SEMA4D: variants seen among roughly 807,000 people sequenced by gnomAD.
The protein encoded by SEMA4D is semaphorin-4D.
Under a neutral mutation model 74.8 loss-of-function variants are expected in SEMA4D, and 22 were observed. That is an observed-to-expected ratio of 0.29 (90% confidence interval 0.21 to 0.42). The LOEUF (loss-of-function observed/expected upper bound fraction) is 0.42. Among genes scored for constraint, SEMA4D ranks in the 10% least tolerant of loss-of-function variants. SEMA4D has a pLI of 1.00. For missense variants in SEMA4D, 937 were observed against 1,118.4 expected (o/e 0.84, Z 2.31); for synonymous variants, 445 against 463.7 (o/e 0.96, Z 0.52).
intron 9 of SEMA4D, among the ~76,000 whole-genome samples, chr9:89,390,758 G>T (rs1839695033): frequency 6.6e-6 from 1 of 152,174 alleles, no homozygotes; most frequent in South Asian, 2.1e-4. Context: ...GCAACCTTGA[G>T]ATTTCCTGTA....
chr9:89,393,899 C>G (rs563584377), intron 6 of SEMA4D, among the ~76,000 whole-genome samples: 1 of 152,372 alleles, frequency 6.6e-6, no homozygotes, highest in South Asian at 2.1e-4. Context: ...CTCAAGATCT[C>G]AGACCCTCAA....
At chr9:89,429,039 G>A (rs1209182989) in intron 2 of SEMA4D, among the ~76,000 whole-genome samples, 2 of 152,178 alleles carry the variant, frequency 1.3e-5, no homozygotes, top group Non-Finnish European at 2.9e-5. Flanking sequence ...CCTGGCCTTG[G>A]GTCACAGGCC....
chr9:89,370,434 G>C (rs766116270), intron 16 of SEMA4D, among the ~76,000 whole-genome samples: 1 of 150,804 alleles, frequency 6.6e-6, no homozygotes, highest in Non-Finnish European at 1.5e-5. Context: ...TGTGTGGCTG[G>C]TGTGTGGTGT....
At chr9:89,433,686 G>A (rs1849768771) in intron 2 of SEMA4D, among the ~76,000 whole-genome samples, 1 of 152,232 alleles carries the variant, frequency 6.6e-6, no homozygotes, top group Admixed American at 6.5e-5. Context: ...AGTACAGGGT[G>A]GATACCACCC....
intron 1 of SEMA4D, among the ~76,000 whole-genome samples, chr9:89,456,197 C>T (rs1161471413): frequency 2.0e-5 from 3 of 152,192 alleles, no homozygotes; most frequent in African/African-American, 7.2e-5. Flanking sequence ...ATCATCTGCA[C>T]CTTCCTTCAC....
intron 6 of SEMA4D, among the ~76,000 whole-genome samples, chr9:89,396,222 A>G (rs952963212): frequency 1.3e-5 from 2 of 152,170 alleles, no homozygotes; most frequent in South Asian, 4.1e-4. Context: ...AGCCGACCAG[A>G]AGGGTGGGTC....
At chr9:89,471,315 A>G (rs1235629138) in intron 1 of SEMA4D, among the ~76,000 whole-genome samples, 1 of 152,202 alleles carries the variant, frequency 6.6e-6, no homozygotes, top group East Asian at 1.9e-4. Flanking sequence ...GGATGTACTT[A>G]ATGCCACTAA....
At chr9:89,379,718 A>G in intron 15 of SEMA4D, 89 bp from the exon 16 acceptor site, 1 of 1,411,942 alleles carries the variant, frequency 7.1e-7, no homozygotes, top group Non-Finnish European at 9.6e-7. Flanking sequence ...ATGACGCAAG[A>G]GTTTCACCCA....
chr9:89,422,554 C>T (rs1847198294), intron 2 of SEMA4D, among the ~76,000 whole-genome samples: 1 of 152,270 alleles, frequency 6.6e-6, no homozygotes. Flanking sequence ...CTGTGTGTCC[C>T]TGCCCCGAGC....
intron 1 of SEMA4D, among the ~76,000 whole-genome samples, chr9:89,479,241 C>A (rs1481896238): frequency 6.6e-6 from 1 of 152,200 alleles, no homozygotes; most frequent in Non-Finnish European, 1.5e-5. Flanking sequence ...CCACATTCCA[C>A]CAATCAAGGC....
Position 89,388,917 on chromosome 9 carries a change from G to A in SEMA4D, c.905C>T (p.Pro302Leu), listed in dbSNP as rs201242261. The A allele has an allele frequency of 5.3e-5, 85 of 1,614,132 alleles. 1 individual carries two copies. Among genetic ancestry groups the A allele is most frequent in the South Asian group, 3.2e-4 (29 of 91,090 alleles). Residue 302 changes from proline to leucine, a missense_variant, in exon 10 of 16, where the codon CCG (proline) becomes CTG (leucine). Physicochemically the swap from Pro to Leu is moderately conservative, Grantham distance 98. Coordinates refer to ENST00000422704, the MANE Select transcript of SEMA4D (RefSeq NM_001371194.2). Reference protein sequence around the residue: ...VLRDVFVLRSPGLKVPVFYAL... With the variant: ...VLRDVFVLRSLGLKVPVFYAL... ...ATAGAACACAGGCACCTTCAGGCCC[G>A]GGGACCTGAGCACGAAGACATCCCG...
intron 2 of SEMA4D, among the ~76,000 whole-genome samples, chr9:89,412,902 A>G (rs1453393883): frequency 6.6e-6 from 1 of 152,202 alleles, no homozygotes; most frequent in Non-Finnish European, 1.5e-5. Context: ...CAAAGCACAC[A>G]CCACAACTCA....
rs1372309489 is a variant in SEMA4D, at chr9:89,450,687, A to AAAAAAAAAG, written c.-244+5200_-244+5201insCTTTTTTTT. ...AAAAAAAAAAAAAAAAAAAAAAAAA[A>AAAAAAAAAG]GGCCTCCAAGACTGCAGAGAATGCC... is the stretch of plus-strand genomic sequence containing the variant. On this transcript the variant is annotated intron_variant, in intron 2 of 15. Coordinates refer to ENST00000422704, the MANE Select transcript of SEMA4D (RefSeq NM_001371194.2). 7.9e-5 allele frequency: 78 copies of AAAAAAAAAG among 982,482 alleles called. 2 individuals carry two copies. The African/African-American group carries it at 1.3e-3, about 17-fold the overall frequency. The allele number at this position is 982,482 out of a possible 1,614,324, so 60.9% of individuals were successfully genotyped here.
rs1292566873 is a variant in SEMA4D, at chr9:89,384,359, T to G, written c.1446+2008A>C. ...ACCCCTGCTACAGCAGGGAGGAACC[T>G]TGAGGACTTTATGTTAAGTGAAATA... On this transcript the variant is annotated intron_variant, in intron 13 of 15. Transcript: ENST00000422704. 4.2e-4 allele frequency among the ~76,000 whole-genome samples: 64 copies of G among 152,150 alleles called. 1 individual carries two copies. The highest frequency in any genetic ancestry group is 4.4e-5 in the Non-Finnish European group (3 of 68,016).
chr9:89,387,278 G>A (rs954996548), intron 12 of SEMA4D, 108 bp downstream of exon 12: 19 of 920,828 alleles, frequency 2.1e-5, no homozygotes, highest in Non-Finnish European at 3.1e-5. Context: ...GTCACCTCGA[G>A]GGAGGCAATG....
chr9:89,416,742 C>T (rs1181601385), intron 2 of SEMA4D, among the ~76,000 whole-genome samples: 1 of 152,178 alleles, frequency 6.6e-6, no homozygotes, highest in Non-Finnish European at 1.5e-5. Flanking sequence ...ATGAATCATA[C>T]TTTTATATTG....
At chr9:89,375,147 T>G (rs1835618249), downstream of SEMA4D, among the ~76,000 whole-genome samples, 1 of 152,186 alleles carries the variant, frequency 6.6e-6, no homozygotes, top group Admixed American at 6.5e-5. Flanking sequence ...GGCCAGTTCA[T>G]AGAGACCCGC....
chr9:89,463,721 G>A (rs183162920), intron 1 of SEMA4D, among the ~76,000 whole-genome samples: 6 of 152,214 alleles, frequency 3.9e-5, no homozygotes, highest in Non-Finnish European at 8.8e-5. Context: ...ATATCACGAG[G>A]TCAGGAGTTC....
At chr9:89,405,307 C>T (rs772465123) in intron 3 of SEMA4D, 44 bp downstream of exon 3, 4 of 1,547,578 alleles carry the variant, frequency 2.6e-6, no homozygotes, top group Non-Finnish European at 2.7e-6. Context: ...GCAGTGAGGT[C>T]CCCATCCCAG....
Sources: allele counts gnomAD v4.1 joint callset (sites outside exome capture counted in the v4.1 genomes callset), GRCh38; gene constraint gnomAD v4.1.1; transcripts MANE v1.5; gene names NCBI Gene and HGNC (gene_info 2026-07-23, HGNC 2026-07-21).